Variants in METTL8 observed in about 807,000 individuals in gnomAD.
The protein encoded by METTL8 is methyltransferase 8, tRNA N3-cytidine.
Under a neutral mutation model 48.7 loss-of-function variants are expected in METTL8, and 32 were observed. The ratio of observed to expected loss-of-function variants is 0.66; its 90% CI spans 0.50 to 0.88. METTL8 has a LOEUF of 0.88. Among genes scored for constraint, METTL8 ranks in the 40% least tolerant of loss-of-function variants. METTL8 has a pLI of 0.00. For synonymous variants in METTL8, 136 were observed against 157.1 expected (o/e 0.87, Z 1.01); for missense variants, 464 against 474.4 (o/e 0.98, Z 0.20).
rs1374711157 is a variant in METTL8, at chr2:171,319,268, C to CG, written c.*4903dup. 2 of 152,310 alleles carry CG rather than the reference C, an allele frequency of 1.3e-5. No individual in the cohort carries two copies. The highest frequency in any genetic ancestry group is 3.4e-3 in the Middle Eastern group (1 of 294). The allele number at this position is 152,310 out of a possible 1,614,324, so 9.4% of individuals were successfully genotyped here. On this transcript the variant is annotated 3_prime_UTR_variant, in exon 10 of 10. Coordinates refer to ENST00000375258, the MANE Select transcript of METTL8 (RefSeq NM_001321154.2). Reference sequence around the variant, plus strand: ...CTTTCACAAGCGGGGAAAATACCCACGCCAACACTAAGTCTCCTGATGACT... The same window carrying CG: ...CTTTCACAAGCGGGGAAAATACCCACGGCCAACACTAAGTCTCCTGATGACT...
intron 3 of METTL8, among the ~76,000 whole-genome samples, chr2:171,354,944 C>T (rs535330779): frequency 8.5e-5 from 13 of 152,236 alleles, no homozygotes; most frequent in South Asian, 2.1e-4. Context: ...TATTACCGAT[C>T]GTCTGAAGCC....
chr2:171,431,273 G>C (rs1250784209), intron 1 of METTL8, among the ~76,000 whole-genome samples: 1 of 152,148 alleles, frequency 6.6e-6, no homozygotes, highest in East Asian at 1.9e-4. Flanking sequence ...AACCAATATG[G>C]AGTAGCTCAG....
At chr2:171,394,619 C>T (rs139112055) in intron 1 of METTL8, among the ~76,000 whole-genome samples, 38 of 152,334 alleles carry the variant, frequency 2.5e-4, no homozygotes, top group African/African-American at 9.1e-4. Context: ...ACCACACAAA[C>T]ATCTTTATTT....
chr2:171,339,981 G>A (rs1039151904), intron 3 of METTL8, among the ~76,000 whole-genome samples: 1 of 149,902 alleles, frequency 6.7e-6, no homozygotes, highest in Admixed American at 6.7e-5. Context: ...GGTGGATCAC[G>A]AGGTCAGGAG....
At chr2:171,421,649 G>A (rs1159492695) in intron 1 of METTL8, among the ~76,000 whole-genome samples, 2 of 152,030 alleles carry the variant, frequency 1.3e-5, no homozygotes, top group African/African-American at 4.8e-5. Context: ...GAATACAATG[G>A]GTTTAAACTT....
intron 2 of METTL8, among the ~76,000 whole-genome samples, chr2:171,368,708 T>G (rs1685973240): frequency 6.6e-6 from 1 of 152,152 alleles, no homozygotes; most frequent in Admixed American, 6.5e-5. Flanking sequence ...AAAGGATCTA[T>G]CCAAAGTGCA....
intron 2 of METTL8, among the ~76,000 whole-genome samples, chr2:171,362,206 C>G (rs2105476923): frequency 6.6e-6 from 1 of 152,108 alleles, no homozygotes; most frequent in Non-Finnish European, 1.5e-5. Flanking sequence ...GGAAAAGCGA[C>G]CAATTAGACT....
chr2:171,358,125 C>T lies in METTL8; in HGVS notation c.235+2297G>A, dbSNP rs575331816. ...CAGCACTTTGGGAGGCAGAGGTGGG[C>T]GGATCATCTGAGGTCAAGAGTTCAA... On this transcript the variant is annotated intron_variant, in intron 3 of 9. Coordinates refer to ENST00000375258, the MANE Select transcript of METTL8 (RefSeq NM_001321154.2). Among the ~76,000 whole-genome samples, 19 of 152,012 alleles carry T rather than the reference C, an allele frequency of 1.2e-4. No homozygotes were observed. In the East Asian group the frequency reaches 2.9e-3, roughly 23 times the overall value.
At chr2:171,428,966 G>T (rs1355153380) in intron 1 of METTL8, among the ~76,000 whole-genome samples, 1 of 152,120 alleles carries the variant, frequency 6.6e-6, no homozygotes, top group Non-Finnish European at 1.5e-5. Context: ...GAAAACATGG[G>T]AAGATAATGA....
At chr2:171,341,987 A>C (rs930335362) in intron 3 of METTL8, among the ~76,000 whole-genome samples, 21 of 152,166 alleles carry the variant, frequency 1.4e-4, no homozygotes, top group Non-Finnish European at 1.3e-4. Flanking sequence ...TTTCATTTGA[A>C]TTTTGATCCA....
chr2:171,398,683 G>A (rs1395510046), intron 1 of METTL8, among the ~76,000 whole-genome samples: 1 of 152,158 alleles, frequency 6.6e-6, no homozygotes. Context: ...TGCTGAAAGA[G>A]TAGATTTCAG....
chr2:171,330,276 T>C lies in METTL8; in HGVS notation c.860+283A>G, dbSNP rs180862653. On this transcript the variant is annotated intron_variant, in intron 7 of 9. Transcript: ENST00000375258. ...AGTCTATTAGGTTGTTCTGAATTTG[T>C]AATTTCCTTGAAGCACTGTCACTTT... Among the ~76,000 whole-genome samples, 61 of 152,328 alleles carry C rather than the reference T, an allele frequency of 4.0e-4. 1 individual carries two copies. The highest frequency in any genetic ancestry group is 3.5e-3 in the Admixed American group (53 of 15,298).
intron 1 of METTL8, among the ~76,000 whole-genome samples, chr2:171,418,490 G>C (rs1691544247): frequency 6.6e-6 from 1 of 152,020 alleles, no homozygotes; most frequent in Non-Finnish European, 1.5e-5. Flanking sequence ...AAAATATTTG[G>C]AATTCTTTTG....
chr2:171,373,936 T>C (rs1377429862), intron 2 of METTL8, among the ~76,000 whole-genome samples: 1 of 152,244 alleles, frequency 6.6e-6, no homozygotes, highest in Non-Finnish European at 1.5e-5. Context: ...TTTGTTCTTT[T>C]GGCTTAGGAT....
chr2:171,383,771 A>T (rs1160810049), intron 2 of METTL8, among the ~76,000 whole-genome samples: 1 of 152,258 alleles, frequency 6.6e-6, no homozygotes, highest in East Asian at 1.9e-4. Flanking sequence ...GCATTTTGAA[A>T]ATCGTTTCCT....
chr2:171,334,110 A>T (rs1267832939), intron 5 of METTL8, among the ~76,000 whole-genome samples: 1 of 151,784 alleles, frequency 6.6e-6, no homozygotes, highest in East Asian at 1.9e-4. Context: ...ACAAAACAAA[A>T]ACCAAAAAAC....
chr2:171,393,366 C>T (rs1179965214), intron 1 of METTL8, among the ~76,000 whole-genome samples: 1 of 143,504 alleles, frequency 7.0e-6, no homozygotes, highest in African/African-American at 2.6e-5. Flanking sequence ...CCACTGCATT[C>T]CAGCCTGGGT....
At chr2:171,430,041 C>T (rs1692828730) in intron 1 of METTL8, among the ~76,000 whole-genome samples, 1 of 146,088 alleles carries the variant, frequency 6.8e-6, no homozygotes, top group Non-Finnish European at 1.5e-5. Flanking sequence ...AAAACTCCGT[C>T]TCAAAAAGAA....
At chr2:171,371,779 A>G (rs954580270) in intron 2 of METTL8, among the ~76,000 whole-genome samples, 2 of 151,940 alleles carry the variant, frequency 1.3e-5, no homozygotes, top group African/African-American at 2.4e-5. Flanking sequence ...CTATAAGTGC[A>G]TATCACTGCG....
Sources: allele counts gnomAD v4.1 joint callset (sites outside exome capture counted in the v4.1 genomes callset), GRCh38; gene constraint gnomAD v4.1.1; transcripts MANE v1.5; gene names NCBI Gene and HGNC (gene_info 2026-07-23, HGNC 2026-07-21).